The following CCDC169 variants were observed in gnomAD, a reference collection of about 807,000 sequenced individuals.
The protein encoded by CCDC169 is coiled-coil domain containing 169.
In CCDC169, 30 loss-of-function variants were observed where a neutral mutation model predicts 36.0. The observed-to-expected ratio is 0.83, with a 90% CI of 0.62 to 1.13. The LOEUF is 1.13. CCDC169 is among the 50% of genes most tolerant of loss of function. CCDC169 has a pLI of 0.00. For synonymous variants in CCDC169, 85 were observed against 81.5 expected (o/e 1.04, Z -0.23); for missense variants, 245 against 245.9 (o/e 1.00, Z 0.03).
intron 4 of CCDC169, among the ~76,000 whole-genome samples, chr13:36,272,034 G>A (rs912387690): frequency 3.3e-5 from 5 of 149,956 alleles, no homozygotes; most frequent in East Asian, 3.9e-4. Context: ...GCAGTGAGCC[G>A]AGATTGCACC....
intron 4 of CCDC169, among the ~76,000 whole-genome samples, chr13:36,257,626 G>A (rs2007697): frequency 1.3e-4 from 19 of 151,712 alleles, no homozygotes; most frequent in South Asian, 4.2e-4. Flanking sequence ...TCGCTTGAAC[G>A]CGGGAGGCGG....
Position 36,272,381 on chromosome 13 carries a change from G to T in CCDC169, c.315+11088C>A, listed in dbSNP as rs566622514. On this transcript the variant is annotated intron_variant, in intron 4 of 7. Transcript: ENST00000239859. ...TCCACTGCACTTAATCATAGGCAGAGAATAGCCCTTAGGAAGTATAAACCT... is the reference window on the plus strand; with the variant it reads ...TCCACTGCACTTAATCATAGGCAGATAATAGCCCTTAGGAAGTATAAACCT... Among the ~76,000 whole-genome samples the T allele has an allele frequency of 3.3e-5, 5 of 152,232 alleles. No homozygotes were observed. In the East Asian group the frequency reaches 5.8e-4, roughly 18 times the overall value.
rs557001010 is a variant in CCDC169 at position 36,277,962 on chromosome 13, G to C, written c.315+5507C>G. 4.1e-3 allele frequency among the ~76,000 whole-genome samples: 598 copies of C among 145,796 alleles called. 1 individual carries two copies. The highest frequency in any genetic ancestry group is 5.9e-3 in the Non-Finnish European group (394 of 66,248). Reference sequence around the variant, plus strand: ...TCCGTCTCAAAAAAAAAAAAAAAAAGATGTTAAATATCTAATGAATTCTAT... The same window carrying C: ...TCCGTCTCAAAAAAAAAAAAAAAAACATGTTAAATATCTAATGAATTCTAT... On this transcript the variant is annotated intron_variant, in intron 4 of 7. Transcript: ENST00000239859.
downstream of CCDC169, chr13:36,226,751 C>T (rs1869898585): frequency 5.4e-6 from 1 of 184,066 alleles, no homozygotes; most frequent in Non-Finnish European, 1.1e-5. Context: ...ACTGGGTACT[C>T]ATGGACATAA....
chr13:36,297,573 A>C, intron 1 of CCDC169, 64 bp downstream of exon 1: 2 of 1,478,468 alleles, frequency 1.4e-6, no homozygotes, highest in Non-Finnish European at 9.2e-7. Context: ...CAGCCCTGAG[A>C]CTCTGCAGGT....
At position 36,234,434 on chromosome 13, in the gene CCDC169, A is replaced by C. The variant is rs564871289; in HGVS notation, c.546-3142T>G. Among the ~76,000 whole-genome samples the C allele has an allele frequency of 2.0e-5, 3 of 152,298 alleles. No homozygotes were observed. The South Asian group carries it at 6.2e-4, about 32-fold the overall frequency. On this transcript the variant is annotated intron_variant, in intron 7 of 7. Coordinates refer to ENST00000239859, the MANE Select transcript of CCDC169 (RefSeq NM_001144981.3). ...AAAGGACAGATAGAATATTTGAAAA[A>C]TAATAGCTAAAAATTTCCCAAATTT...
At chr13:36,227,103 G>T, downstream of CCDC169, 1 of 710,038 alleles carries the variant, frequency 1.4e-6, no homozygotes, top group Non-Finnish European at 2.2e-6. Flanking sequence ...AGCAGAGTGG[G>T]TCCCAATCTT....
At chr13:36,288,063 C>G (rs1024219174) in intron 2 of CCDC169, among the ~76,000 whole-genome samples, 3 of 151,736 alleles carry the variant, frequency 2.0e-5, no homozygotes, top group Non-Finnish European at 2.9e-5. Context: ...GGCTAGAGTG[C>G]AGTGGCGCAA....
Position 36,231,048 on chromosome 13 carries a change from C to G in CCDC169, c.*145G>C. 1.4e-6 allele frequency: 2 copies of G among 1,420,484 alleles called. No individual in the cohort carries two copies. Among genetic ancestry groups the G allele is most frequent in the South Asian group, 1.6e-5 (1 of 62,802 alleles). 88.0% of individuals were successfully genotyped at this position (1,420,484 alleles called of 1,614,324 possible). On this transcript the variant is annotated 3_prime_UTR_variant, in exon 8 of 8. Transcript: ENST00000239859. ...TTACTTTTATGCAGACAAAGGAACACACGTCTGGAAAAGGAACTAAAGAAA... is the reference window on the plus strand; with the variant it reads ...TTACTTTTATGCAGACAAAGGAACAGACGTCTGGAAAAGGAACTAAAGAAA...
downstream of CCDC169, chr13:36,227,412 T>A: frequency 6.7e-7 from 1 of 1,498,304 alleles, no homozygotes; most frequent in Non-Finnish European, 8.9e-7. Context: ...AGAACATGAA[T>A]AAGGACAGCG....
chr13:36,257,125 C>T (rs557069868), intron 4 of CCDC169, among the ~76,000 whole-genome samples: 49 of 150,646 alleles, frequency 3.3e-4, no homozygotes, highest in African/African-American at 1.0e-3. Flanking sequence ...GGGAGGTACC[C>T]GGTGTTATAG....
chr13:36,259,689 A>G (rs560328949), intron 4 of CCDC169, among the ~76,000 whole-genome samples: 15 of 151,786 alleles, frequency 9.9e-5, no homozygotes, highest in Non-Finnish European at 2.2e-4. Flanking sequence ...CTCACGACCA[A>G]TCAGAGGCTG....
At chr13:36,270,312 T>C (rs1045129082) in intron 4 of CCDC169, among the ~76,000 whole-genome samples, 19 of 152,140 alleles carry the variant, frequency 1.2e-4, no homozygotes. Context: ...TGCTCATGAA[T>C]TGGAATAATC....
At chr13:36,277,321 G>A (rs935358596) in intron 4 of CCDC169, among the ~76,000 whole-genome samples, 2 of 152,142 alleles carry the variant, frequency 1.3e-5, no homozygotes, top group African/African-American at 4.8e-5. Flanking sequence ...CAGGGGGTAG[G>A]GTGGGGGAGT....
chr13:36,272,603 C>A (rs1056853182), intron 4 of CCDC169, among the ~76,000 whole-genome samples: 3 of 152,084 alleles, frequency 2.0e-5, no homozygotes, highest in Non-Finnish European at 2.9e-5. Flanking sequence ...TTCTAAAGGG[C>A]ATTTCAGGTT....
intron 7 of CCDC169, among the ~76,000 whole-genome samples, chr13:36,244,817 T>C (rs1263488075): frequency 1.7e-5 from 1 of 58,160 alleles, no homozygotes; most frequent in East Asian, 6.2e-4. Context: ...ATTCTTCTAG[T>C]GAACCACTGA....
intron 4 of CCDC169, among the ~76,000 whole-genome samples, chr13:36,255,656 C>T (rs1343331992): frequency 1.9e-5 from 1 of 53,290 alleles, no homozygotes; most frequent in South Asian, 7.2e-4. Context: ...GAGCAAGGCT[C>T]CATAAAAAAA....
intron 7 of CCDC169, among the ~76,000 whole-genome samples, chr13:36,232,896 A>C (rs1038355899): frequency 2.0e-5 from 3 of 152,100 alleles, no homozygotes; most frequent in African/African-American, 7.2e-5. Context: ...AAAAAGGAAA[A>C]GCTGAGAAAT....
chr13:36,238,015 CACA>C (rs1253882870), intron 7 of CCDC169, among the ~76,000 whole-genome samples: 2 of 152,148 alleles, frequency 1.3e-5, no homozygotes, highest in Non-Finnish European at 2.9e-5. Context: ...ACACACTTCT[CACA>C]ACATGTCCCC....
Sources: allele counts gnomAD v4.1 joint callset (sites outside exome capture counted in the v4.1 genomes callset), GRCh38; gene constraint gnomAD v4.1.1; transcripts MANE v1.5; gene names NCBI Gene and HGNC (gene_info 2026-07-23, HGNC 2026-07-21).